Variants in APOL5 observed in about 807,000 individuals in gnomAD.
APOL5 encodes the protein apolipoprotein L5.
In APOL5, 29 loss-of-function variants were observed where a neutral mutation model predicts 35.5. The observed-to-expected ratio is 0.82, with a 90% CI of 0.61 to 1.11. APOL5 has a LOEUF of 1.11. Ranked by LOEUF, APOL5 falls within the 50% of genes most tolerant of loss-of-function variation. The probability of loss-of-function intolerance (pLI) is 0.00; values close to 1 mark genes in which losing one functional copy is unlikely to be tolerated. For synonymous variants in APOL5, 188 were observed against 200.2 expected (o/e 0.94, Z 0.51); for missense variants, 514 against 530.4 (o/e 0.97, Z 0.30).
At chr22:35,718,353 C>T (rs544542168) in intron 1 of APOL5, among the ~76,000 whole-genome samples, 1 of 152,340 alleles carries the variant, frequency 6.6e-6, no homozygotes, top group East Asian at 1.9e-4. Context: ...CGCAGTGGCT[C>T]ATGCCTGTAA....
chr22:35,719,239 ACTAT>A (rs1485352318), intron 1 of APOL5, among the ~76,000 whole-genome samples: 9 of 152,268 alleles, frequency 5.9e-5, no homozygotes, highest in East Asian at 5.8e-4. Flanking sequence ...GTCAAATTTG[ACTAT>A]CTTTTTGTCA....
At chr22:35,719,162 T>C (rs113114183) in intron 1 of APOL5, among the ~76,000 whole-genome samples, 6,186 of 151,974 alleles carry the variant, frequency 0.041, 155 homozygotes, top group Middle Eastern at 0.096. Context: ...TAACGGGAAG[T>C]AGAGAATGAA....
At chr22:35,713,791 C>T (rs551889600), upstream of APOL5, among the ~76,000 whole-genome samples, 19 of 152,310 alleles carry the variant, frequency 1.2e-4, no homozygotes, top group African/African-American at 4.6e-4. Flanking sequence ...CTGTCCCCAC[C>T]TACAACGGGA....
chr22:35,719,066 T>A (rs966609204), intron 1 of APOL5, among the ~76,000 whole-genome samples: 34 of 145,970 alleles, frequency 2.3e-4, no homozygotes, highest in African/African-American at 5.6e-4. Flanking sequence ...AAAATAATAA[T>A]AATAATAAAT....
At chr22:35,714,270 C>A (rs1926674408), upstream of APOL5, among the ~76,000 whole-genome samples, 1 of 152,152 alleles carries the variant, frequency 6.6e-6, no homozygotes, top group Non-Finnish European at 1.5e-5. Context: ...TGAGACCATG[C>A]CACTGCATTC....
upstream of APOL5, among the ~76,000 whole-genome samples, chr22:35,716,419 C>A (rs1926746184): frequency 6.6e-6 from 1 of 152,130 alleles, no homozygotes; most frequent in Non-Finnish European, 1.5e-5. Flanking sequence ...ATTACAGGTG[C>A]CCACCACCAC....
At chr22:35,713,918 C>T (rs1926663579), upstream of APOL5, among the ~76,000 whole-genome samples, 1 of 152,174 alleles carries the variant, frequency 6.6e-6, no homozygotes, top group African/African-American at 2.4e-5. Context: ...ATTCTGCTCA[C>T]ACTCCTCCTA....
chr22:35,720,113 C>T (rs149370308), intron 1 of APOL5, among the ~76,000 whole-genome samples: 14 of 152,284 alleles, frequency 9.2e-5, no homozygotes, highest in South Asian at 2.1e-4. Context: ...GGGGATATGG[C>T]GGGCCAGAGT....
intron 3 of APOL5, among the ~76,000 whole-genome samples, chr22:35,728,084 G>A (rs1218046101): frequency 6.6e-6 from 1 of 152,248 alleles, no homozygotes; most frequent in Non-Finnish European, 1.5e-5. Context: ...CGAGGACTTA[G>A]GAGGTGGCTC....
upstream of APOL5, among the ~76,000 whole-genome samples, chr22:35,715,879 T>C (rs1009893304): frequency 9.9e-5 from 15 of 152,242 alleles, no homozygotes; most frequent in Admixed American, 3.3e-4. Context: ...ATGTAGAGCA[T>C]AGGAAGAGAG....
At chr22:35,724,274 G>A (rs1237863593) in intron 2 of APOL5, among the ~76,000 whole-genome samples, 4 of 146,762 alleles carry the variant, frequency 2.7e-5, no homozygotes, top group Non-Finnish European at 1.5e-5. Flanking sequence ...GCAATATAGT[G>A]AAGCCCTGTC....
At chr22:35,714,670 C>T (rs1482261814), upstream of APOL5, among the ~76,000 whole-genome samples, 2 of 152,198 alleles carry the variant, frequency 1.3e-5, no homozygotes, top group South Asian at 2.1e-4. Context: ...AGTTCAGGAT[C>T]GCTGTGTCCT....
intron 2 of APOL5, among the ~76,000 whole-genome samples, chr22:35,721,705 C>T (rs1332916726): frequency 2.0e-5 from 3 of 152,122 alleles, no homozygotes; most frequent in African/African-American, 7.2e-5. Context: ...TTTCCCAACC[C>T]ATGATAATGT....
Position 35,720,745 on chromosome 22 carries a change from T to G in APOL5, c.142+91T>G, listed in dbSNP as rs187778230. On this transcript the variant is annotated intron_variant, in intron 2 of 4. Coordinates refer to ENST00000249044, the MANE Select transcript of APOL5 (RefSeq NM_030642.1). ...ACAGACCCAGCACTCAATGAGTATT[T>G]GGGTTTTGTTTTGTTTTGAGACAGA... is the stretch of plus-strand genomic sequence containing the variant. 2.5e-3 allele frequency: 2,368 copies of G among 959,688 alleles called. 58 individuals carry two copies. In the East Asian group the frequency reaches 0.052, roughly 21 times the overall value. The allele number at this position is 959,688 out of a possible 1,614,324, so 59.4% of individuals were successfully genotyped here.
intron 1 of APOL5, among the ~76,000 whole-genome samples, chr22:35,718,666 C>T (rs899308171): frequency 2.7e-5 from 4 of 149,380 alleles, no homozygotes; most frequent in African/African-American, 9.8e-5. Context: ...CATGACAATA[C>T]ATCTTCTCTT....
chr22:35,727,976 A>T (rs959923997), intron 3 of APOL5, among the ~76,000 whole-genome samples: 3 of 152,258 alleles, frequency 2.0e-5, no homozygotes, highest in Admixed American at 2.0e-4. Flanking sequence ...AACCCGGGAA[A>T]AGGACACATA....
At chr22:35,723,454 C>T (rs1489869580) in intron 2 of APOL5, among the ~76,000 whole-genome samples, 1 of 152,152 alleles carries the variant, frequency 6.6e-6, no homozygotes, top group Non-Finnish European at 1.5e-5. Flanking sequence ...TCTGAAGTTC[C>T]AGATACTGAG....
chr22:35,721,236 A>G (rs968619397), intron 2 of APOL5, among the ~76,000 whole-genome samples: 1 of 148,854 alleles, frequency 6.7e-6, no homozygotes, highest in Non-Finnish European at 1.5e-5. Context: ...ATATCTTAGT[A>G]AAAAAAATGT....
At chr22:35,725,620 G>A (rs1010533701) in intron 2 of APOL5, among the ~76,000 whole-genome samples, 9 of 152,030 alleles carry the variant, frequency 5.9e-5, no homozygotes, top group South Asian at 2.1e-4. Flanking sequence ...AGTACTGATC[G>A]CTGGGGTTGA....
Sources: gnomAD v4.1 joint callset for allele counts (sites outside exome capture counted in the v4.1 genomes callset) on GRCh38, gnomAD v4.1.1 for gene constraint, MANE v1.5 for transcripts, NCBI Gene and HGNC (gene_info 2026-07-23, HGNC 2026-07-21) for gene names.